Variants in MGST1 observed in about 807,000 individuals in gnomAD.
MGST1 encodes glutathione S-transferase 12.
In MGST1, 5 loss-of-function variants were observed where a neutral mutation model predicts 8.9. The observed-to-expected ratio is 0.56, with a 90% CI of 0.29 to 1.19. The LOEUF (loss-of-function observed/expected upper bound fraction) is 1.19. Ranked by LOEUF, MGST1 falls within the 50% of genes most tolerant of loss-of-function variation. The pLI is 0.08. For synonymous variants in MGST1, 54 were observed against 67.8 expected, an observed-to-expected ratio of 0.80 and a Z score of 1.00; for missense variants, 182 against 187.4, an observed-to-expected ratio of 0.97 and a Z score of 0.17.
intron 4 of MGST1, among the ~76,000 whole-genome samples, chr12:16,572,339 C>CTTTTTTTTTTTTTTTTTTTTTTTT (rs59773866): frequency 2.2e-5 from 2 of 89,530 alleles, no homozygotes; most frequent in Non-Finnish European, 2.1e-5. Context: ...GGTCCAAACT[C>CTTTTTTTTTTTTTTTTTTTTTTTT]TTTTTTTTTT....
intron 4 of MGST1, among the ~76,000 whole-genome samples, chr12:16,462,082 G>A (rs2137125745): frequency 6.6e-6 from 1 of 152,168 alleles, no homozygotes; most frequent in East Asian, 1.9e-4. Flanking sequence ...CCTGTGATCA[G>A]CAATCACACA....
rs1941761183 is a variant in MGST1 at position 16,537,188 on chromosome 12, A to G, written n.483-52340A>G. On this transcript the variant is annotated intron_variant and non_coding_transcript_variant, in intron 4 of 4. Transcript: ENST00000538857. The surrounding 1 kb of genome is among the most constrained non-coding windows in gnomAD (Gnocchi z 4.6). ...AATAAAGGGATTACAGGGCCCATCC[A>G]AGTCTGAAATCCAGTGGGGCAGTCA... 6.6e-6 allele frequency among the ~76,000 whole-genome samples: 1 copy of G among 152,174 alleles called. No homozygotes were observed. Among genetic ancestry groups the G allele is most frequent in the East Asian group, 1.9e-4 (1 of 5,190 alleles).
intron 1 of MGST1, among the ~76,000 whole-genome samples, chr12:16,388,797 A>G (rs1565445356): frequency 6.6e-6 from 1 of 152,186 alleles, no homozygotes; most frequent in Non-Finnish European, 1.5e-5. Flanking sequence ...ACCTCGAGGA[A>G]CTGGAGAGGC....
Position 16,482,414 on chromosome 12 carries a change from C to T in MGST1, n.482+98810C>T, listed in dbSNP as rs7956535. ...TTAGGAGGCCAAGACAGGTGGATCACGAGGACAGGAGTTCCAGATCAGCCT... is the reference window on the plus strand; with the variant it reads ...TTAGGAGGCCAAGACAGGTGGATCATGAGGACAGGAGTTCCAGATCAGCCT... On this transcript the variant is annotated intron_variant and non_coding_transcript_variant, in intron 4 of 4. Transcript: ENST00000538857. The surrounding 1 kb of genome is among the most constrained non-coding windows in gnomAD (Gnocchi z 4.2). Among the ~76,000 whole-genome samples, 27,881 of 152,062 alleles carry T rather than the reference C, an allele frequency of 0.18. 2,810 individuals are homozygous for T. The highest frequency in any genetic ancestry group is 0.35 in the East Asian group (1,829 of 5,160).
In MGST1 at chr12:16,547,006, C is replaced by G. The variant is rs2137220048; in HGVS notation, n.483-42522C>G. ...TTTAGCAGCTATTCTTTGTACTGTT[C>G]AACACGAAAGTCTTACATCTTGATT... On this transcript the variant is annotated intron_variant and non_coding_transcript_variant, in intron 4 of 4. Transcript: ENST00000538857. The surrounding 1 kb of genome is among the most constrained non-coding windows in gnomAD (Gnocchi z 4.6). Among the ~76,000 whole-genome samples, 1 of 152,196 alleles carries G rather than the reference C, an allele frequency of 6.6e-6. No homozygotes were observed. The highest frequency in any genetic ancestry group is 2.1e-4 in the South Asian group (1 of 4,826).
chr12:16,408,411 G>T (rs1014906595), intron 1 of MGST1, among the ~76,000 whole-genome samples: 2 of 152,074 alleles, frequency 1.3e-5, no homozygotes, highest in African/African-American at 4.8e-5. Flanking sequence ...CATTCTCCCT[G>T]AAAGGTATTT....
At chr12:16,460,404 C>G (rs1317539250) in intron 4 of MGST1, among the ~76,000 whole-genome samples, 1 of 152,054 alleles carries the variant, frequency 6.6e-6, no homozygotes, top group Non-Finnish European at 1.5e-5. Context: ...GTGAGGTGTG[C>G]TATCCAAAAC....
chr12:16,467,550 A>C (rs568417899), intron 4 of MGST1, among the ~76,000 whole-genome samples: 1 of 152,326 alleles, frequency 6.6e-6, no homozygotes, highest in African/African-American at 2.4e-5. Context: ...CACAGACATA[A>C]CAGTGAGAGT....
chr12:16,422,787 C>T (rs948869702), intron 1 of MGST1, among the ~76,000 whole-genome samples: 1 of 152,184 alleles, frequency 6.6e-6, no homozygotes, highest in African/African-American at 2.4e-5. Flanking sequence ...GTTACCTTAT[C>T]CAATCCCTCA....
chr12:16,398,743 C>G (rs1253257858), intron 1 of MGST1, among the ~76,000 whole-genome samples: 2 of 152,212 alleles, frequency 1.3e-5, no homozygotes, highest in Non-Finnish European at 2.9e-5. Context: ...GCCCAATCTG[C>G]CTCACTGGCT....
intron 4 of MGST1, among the ~76,000 whole-genome samples, chr12:16,481,183 C>A (rs1941362203): frequency 6.6e-6 from 1 of 152,136 alleles, no homozygotes; most frequent in Non-Finnish European, 1.5e-5. Flanking sequence ...AATAACATCT[C>A]TGTCCTTAAA....
In MGST1 at chr12:16,579,316, A is replaced by G. The variant is rs575700178; in HGVS notation, n.483-10212A>G. On this transcript the variant is annotated intron_variant and non_coding_transcript_variant, in intron 4 of 4. Transcript: ENST00000538857. ...TCAGATAATTATTACCAGAAAAACA[A>G]TAGCTGTGTTTCACAAGGAGGTCTT... Among the ~76,000 whole-genome samples the G allele has an allele frequency of 6.8e-4, 104 of 152,360 alleles. 1 individual carries two copies. The highest frequency in any genetic ancestry group is 2.4e-3 in the African/African-American group (100 of 41,588).
At chr12:16,501,326 G>T (rs966977881) in intron 4 of MGST1, among the ~76,000 whole-genome samples, 16 of 152,202 alleles carry the variant, frequency 1.1e-4, no homozygotes, top group African/African-American at 3.9e-4. Flanking sequence ...CCTTCAAAAA[G>T]GTATAAGCTA....
Position 16,587,575 on chromosome 12 carries a change from T to G in MGST1, n.483-1953T>G, listed in dbSNP as rs1943359841. Among the ~76,000 whole-genome samples, 1 of 152,106 alleles carries G rather than the reference T, an allele frequency of 6.6e-6. No individual in the cohort carries two copies. Among genetic ancestry groups the G allele is most frequent in the South Asian group, 2.1e-4 (1 of 4,832 alleles). On this transcript the variant is annotated intron_variant and non_coding_transcript_variant, in intron 4 of 4. Transcript: ENST00000538857. This position sits in a 1 kb window ranked among gnomAD's most constrained non-coding sequence, Gnocchi z 4.3. ...AGTAGCCTACATGGTTGACTACCCT[T>G]GGTGTTAAATTTTCTTAAATTGTAT...
chr12:16,587,976 C>T lies in MGST1; in HGVS notation n.483-1552C>T, dbSNP rs1306642450. Among the ~76,000 whole-genome samples, 1 of 152,050 alleles carries T rather than the reference C, an allele frequency of 6.6e-6. No individual in the cohort carries two copies. Among genetic ancestry groups the T allele is most frequent in the African/African-American group, 2.4e-5 (1 of 41,424 alleles). The stretch of plus-strand genomic sequence containing the variant: ...ATATTAATTCATGCTTAAAAAGTCC[C>T]TTTCTTTCAGATAATTACCCTGTCT... On this transcript the variant is annotated intron_variant and non_coding_transcript_variant, in intron 4 of 4. Coordinates refer to the MGST1 transcript ENST00000538857. This position sits in a 1 kb window ranked among gnomAD's most constrained non-coding sequence, Gnocchi z 4.3.
At chr12:16,350,076 A>T (rs545050598) in intron 1 of MGST1, among the ~76,000 whole-genome samples, 5 of 152,272 alleles carry the variant, frequency 3.3e-5, no homozygotes, top group African/African-American at 1.2e-4. Flanking sequence ...GCTAAGGCTC[A>T]CAAGAATCCA....
chr12:16,360,835 A>G (rs1193032572), intron 3 of MGST1, among the ~76,000 whole-genome samples: 1 of 152,184 alleles, frequency 6.6e-6, no homozygotes, highest in Non-Finnish European at 1.5e-5. Context: ...CTAGGGGTTG[A>G]ACTGGATGAT....
chr12:16,439,500 T>G (rs1452869493), downstream of MGST1, among the ~76,000 whole-genome samples: 1 of 151,816 alleles, frequency 6.6e-6, no homozygotes, highest in African/African-American at 2.4e-5. Flanking sequence ...AGCTGTTCTT[T>G]CTTGATTCAC....
rs778747575 is a variant in MGST1 at position 16,503,526 on chromosome 12, C to T, written n.483-86002C>T. Among the ~76,000 whole-genome samples the T allele has an allele frequency of 2.6e-5, 4 of 152,144 alleles. No individual in the cohort carries two copies. The highest frequency in any genetic ancestry group is 4.4e-5 in the Non-Finnish European group (3 of 68,028). On this transcript the variant is annotated intron_variant and non_coding_transcript_variant, in intron 4 of 4. Coordinates refer to the MGST1 transcript ENST00000538857. The surrounding 1 kb of genome is among the most constrained non-coding windows in gnomAD (Gnocchi z 4.8). ...TAGGATGAAGGATAAAGGACATGAA[C>T]ATTTTCTGTTCACCACTCTATCTCT...
Sources: gnomAD v4.1 joint callset for allele counts (sites outside exome capture counted in the v4.1 genomes callset) on GRCh38, gnomAD v4.1.1 for gene constraint, Gnocchi (gnomAD v3.1) non-coding constraint, MANE v1.5 for transcripts, NCBI Gene and HGNC (gene_info 2026-07-23, HGNC 2026-07-21) for gene names.